Variants in PNPLA1 observed in about 807,000 individuals in gnomAD.
PNPLA1 encodes omega-hydroxyceramide transacylase.
Under a neutral mutation model 51.7 loss-of-function variants are expected in PNPLA1, and 36 were observed. The observed-to-expected ratio is 0.70, with a 90% confidence interval of 0.53 to 0.92. The LOEUF is 0.92. Ranked by LOEUF, PNPLA1 falls within the 40% of genes least tolerant of loss-of-function variation. The pLI is 0.00. For missense variants in PNPLA1, 658 were observed against 682.5 expected (o/e 0.96, Z 0.40); for synonymous variants, 293 against 280.1 (o/e 1.05, Z -0.46).
chr6:36,306,023 G>C (rs374048064), intron 6 of PNPLA1, among the ~76,000 whole-genome samples: 40 of 152,064 alleles, frequency 2.6e-4, no homozygotes, highest in African/African-American at 8.7e-4. Context: ...CCAAAGCGCC[G>C]GGATTACAGG....
chr6:36,288,045 T>C (rs76525557), intron 1 of PNPLA1, among the ~76,000 whole-genome samples: 1,830 of 152,278 alleles, frequency 0.012, 32 homozygotes, highest in African/African-American at 0.04. Context: ...TACCCCTGAA[T>C]AGGTGAGAGT....
intron 1 of PNPLA1, among the ~76,000 whole-genome samples, chr6:36,244,393 G>A (rs1487971613): frequency 6.6e-6 from 1 of 151,650 alleles, no homozygotes; most frequent in Non-Finnish European, 1.5e-5. Flanking sequence ...TGTACTGTTT[G>A]GCACTGAGGG....
chr6:36,302,314 C>A lies in PNPLA1; in HGVS notation c.1229C>A (p.Ser410Ter). The change falls in exon 6 of 9, where the codon TCA becomes TAA. Residue 410 changes from serine to a stop codon, truncating the protein, a stop_gained. Transcript: ENST00000636260. LOFTEE classifies it high-confidence loss of function. ...SPQQQVQPSGSPARSLHSQAP... is the reference protein window; with the variant it reads ...SPQQQVQPSG ...CAGCAGCAGGTACAACCGTCTGGAT[C>A]ACCAGCCAGATCCCTACACTCTCAG... is the stretch of plus-strand genomic sequence containing the variant. 1 of 1,614,098 alleles carries A rather than the reference C, an allele frequency of 6.2e-7. No individual in the cohort carries two copies.
intron 1 of PNPLA1, among the ~76,000 whole-genome samples, chr6:36,277,960 G>A (rs191199329): frequency 1.5e-3 from 226 of 152,352 alleles, no homozygotes; most frequent in African/African-American, 5.0e-3. Context: ...GGCAGTGGGA[G>A]CATGAGTGCC....
chr6:36,252,147 G>A (rs1351564376), intron 1 of PNPLA1, among the ~76,000 whole-genome samples: 2 of 152,036 alleles, frequency 1.3e-5, no homozygotes, highest in African/African-American at 2.4e-5. Flanking sequence ...GGCAGAGACT[G>A]CATCACTGTA....
At chr6:36,288,166 A>T (rs996522819) in intron 1 of PNPLA1, among the ~76,000 whole-genome samples, 1 of 152,232 alleles carries the variant, frequency 6.6e-6, no homozygotes, top group Non-Finnish European at 1.5e-5. Flanking sequence ...TATCCTAAGG[A>T]AAATAAGTAT....
intron 1 of PNPLA1, among the ~76,000 whole-genome samples, chr6:36,261,840 C>T (rs919231640): frequency 5.3e-5 from 8 of 152,246 alleles, no homozygotes; most frequent in Admixed American, 1.3e-4. Context: ...AGTGGCCATA[C>T]TGTACCGCCC....
At chr6:36,299,953 G>A (rs1206472564) in intron 5 of PNPLA1, among the ~76,000 whole-genome samples, 1 of 151,890 alleles carries the variant, frequency 6.6e-6, no homozygotes, top group Non-Finnish European at 1.5e-5. Flanking sequence ...TATATAACAC[G>A]GTATTCAGTC....
intron 8 of PNPLA1, among the ~76,000 whole-genome samples, chr6:36,311,378 G>C (rs1334168404): frequency 6.6e-6 from 1 of 152,222 alleles, no homozygotes; most frequent in Non-Finnish European, 1.5e-5. Flanking sequence ...TATGCAAGCA[G>C]TTAACTGCAG....
chr6:36,307,611 C>T lies in PNPLA1; in HGVS notation c.1494C>T (p.Asn498=). The change falls in exon 8 of 9, where the codon AAC becomes AAT. Residue 498 remains asparagine, a synonymous_variant. Transcript: ENST00000636260. ...YVTESPAEDS[N]WVNKVFKKNK... ...GGGAGAGCCCTGCTGAAGACTCAAA[C>T]TGGGTGAATAAGGTCTTCAAGAAGA... 6.2e-7 allele frequency: 1 copy of T among 1,613,652 alleles called. No individual in the cohort carries two copies. The highest frequency in any genetic ancestry group is 1.7e-5 in the Admixed American group (1 of 59,960).
chr6:36,307,445 A>G (rs764357716), intron 7 of PNPLA1, 142 bp from the exon 8 acceptor site: 2 of 883,860 alleles, frequency 2.3e-6, no homozygotes, highest in Non-Finnish European at 3.2e-6. Context: ...TATTTTAAAA[A>G]AAGTTTGCTG....
At position 36,291,564 on chromosome 6, in the gene PNPLA1, G is replaced by A; in HGVS notation, c.438+12G>A. On this transcript the variant is annotated intron_variant, in intron 2 of 8. Coordinates refer to ENST00000636260, the MANE Select transcript of PNPLA1 (RefSeq NM_001374623.1). Reference sequence around the variant, plus strand: ...AGGAGCTCATTGAGGCAAGGGGGCTGGGCTGGGAGGGAGGGACACGGAGGG... The same window carrying A: ...AGGAGCTCATTGAGGCAAGGGGGCTAGGCTGGGAGGGAGGGACACGGAGGG... 2 of 1,250,284 alleles carry A rather than the reference G, an allele frequency of 1.6e-6. No homozygotes were observed. Among genetic ancestry groups the A allele is most frequent in the East Asian group, 2.5e-5 (1 of 39,748 alleles). 77.4% of individuals were successfully genotyped at this position (1,250,284 alleles called of 1,614,324 possible). A position where few individuals can be genotyped will look rare whatever the true frequency, so the allele number is the denominator to read the frequency against.
At chr6:36,276,761 C>T (rs1770112368) in intron 1 of PNPLA1, among the ~76,000 whole-genome samples, 1 of 145,628 alleles carries the variant, frequency 6.9e-6, no homozygotes, top group Non-Finnish European at 1.5e-5. Context: ...TTCGTTCCTT[C>T]CTTCCTTCCT....
chr6:36,306,061 G>T (rs1359648175), intron 6 of PNPLA1, among the ~76,000 whole-genome samples: 1 of 152,208 alleles, frequency 6.6e-6, no homozygotes, highest in Non-Finnish European at 1.5e-5. Context: ...GCCCCTGGGA[G>T]TTGTTTCTAA....
At chr6:36,303,220 G>T (rs1278001260) in intron 6 of PNPLA1, among the ~76,000 whole-genome samples, 1 of 151,812 alleles carries the variant, frequency 6.6e-6, no homozygotes, top group Non-Finnish European at 1.5e-5. Context: ...TCAGCCTCCC[G>T]AGTAGCTGGG....
intron 5 of PNPLA1, 85 bp downstream of exon 5, chr6:36,295,509 TC>T (rs1404984635): frequency 2.8e-6 from 4 of 1,413,246 alleles, no homozygotes; most frequent in East Asian, 4.6e-5. Flanking sequence ...GGAGGGGTAT[TC>T]CCCCCAGATT....
At chr6:36,285,826 T>C (rs1047906224) in intron 1 of PNPLA1, among the ~76,000 whole-genome samples, 4 of 152,200 alleles carry the variant, frequency 2.6e-5, no homozygotes, top group African/African-American at 9.6e-5. Context: ...ATGATTTTTC[T>C]AGCCCCTCTT....
chr6:36,297,177 G>A (rs1770883311), intron 5 of PNPLA1, among the ~76,000 whole-genome samples: 1 of 152,160 alleles, frequency 6.6e-6, no homozygotes, highest in African/African-American at 2.4e-5. Context: ...ATCACTCCAA[G>A]TAGGAACAGA....
chr6:36,306,988 C>A (rs995083460), intron 7 of PNPLA1, among the ~76,000 whole-genome samples: 3 of 152,144 alleles, frequency 2.0e-5, no homozygotes, highest in Non-Finnish European at 4.4e-5. Flanking sequence ...TACCCAGGCT[C>A]CCTTGCTGGC....
Sources: gnomAD v4.1 joint callset for allele counts (sites outside exome capture counted in the v4.1 genomes callset) on GRCh38, gnomAD v4.1.1 for gene constraint, MANE v1.5 for transcripts, NCBI Gene and HGNC (gene_info 2026-07-23, HGNC 2026-07-21) for gene names.